The following PTPRJ variants were observed in gnomAD, a reference collection of about 807,000 sequenced individuals.
PTPRJ encodes receptor-type tyrosine-protein phosphatase eta.
PTPRJ carries 129 observed loss-of-function variants against 141.3 expected under a neutral mutation model. The ratio of observed to expected loss-of-function variants is 0.91; its 90% confidence interval spans 0.79 to 1.06. The LOEUF is 1.06. Ranked by LOEUF, PTPRJ falls within the 50% of genes least tolerant of loss-of-function variation. The probability of loss-of-function intolerance (pLI) is 0.00; values close to 1 mark genes in which losing one functional copy is unlikely to be tolerated. For missense variants in PTPRJ, 1,601 were observed against 1,679.7 expected, an observed-to-expected ratio of 0.95 and a Z score of 0.82; for synonymous variants, 610 against 640.5, an observed-to-expected ratio of 0.95 and a Z score of 0.72.
intron 24 of PTPRJ, among the ~76,000 whole-genome samples, chr11:48,165,531 A>G (rs1226782603): frequency 6.6e-6 from 1 of 152,202 alleles, no homozygotes; most frequent in Non-Finnish European, 1.5e-5. Flanking sequence ...TTAATTTTGT[A>G]TCAGGCTATC....
At chr11:47,995,005 C>G (rs1854296844) in intron 1 of PTPRJ, among the ~76,000 whole-genome samples, 1 of 152,248 alleles carries the variant, frequency 6.6e-6, no homozygotes, top group East Asian at 1.9e-4. Flanking sequence ...GCAAACGTTT[C>G]CCCCTGCCAG....
intron 21 of PTPRJ, among the ~76,000 whole-genome samples, chr11:48,156,672 C>T (rs1275707661): frequency 1.3e-5 from 2 of 149,722 alleles, no homozygotes; most frequent in Non-Finnish European, 3.0e-5. Flanking sequence ...TGGCTCACTA[C>T]AGCTTTGAAT....
intron 1 of PTPRJ, among the ~76,000 whole-genome samples, chr11:48,070,423 C>A (rs144606134): frequency 6.6e-6 from 1 of 151,462 alleles, no homozygotes; most frequent in Admixed American, 6.6e-5. Context: ...ACTGCTGGAA[C>A]GCAGGAGGCG....
At chr11:48,164,888 T>C (rs1320376200) in intron 24 of PTPRJ, among the ~76,000 whole-genome samples, 3 of 152,160 alleles carry the variant, frequency 2.0e-5, no homozygotes, top group Non-Finnish European at 4.4e-5. Flanking sequence ...TTTTAAAAGG[T>C]TGCATTGTGT....
chr11:48,134,016 G>A (rs928421877), intron 8 of PTPRJ, among the ~76,000 whole-genome samples: 5 of 152,052 alleles, frequency 3.3e-5, no homozygotes, highest in Non-Finnish European at 5.9e-5. Flanking sequence ...CAGTGTTTTG[G>A]GTACAGGTAG....
At chr11:48,031,110 G>T (rs1231227117) in intron 1 of PTPRJ, among the ~76,000 whole-genome samples, 1 of 152,164 alleles carries the variant, frequency 6.6e-6, no homozygotes, top group Non-Finnish European at 1.5e-5. Context: ...TAATTGTTCT[G>T]CATGGTGACC....
chr11:48,044,981 C>T (rs1854353671), intron 1 of PTPRJ: 1 of 152,282 alleles, frequency 6.6e-6, no homozygotes, highest in Non-Finnish European at 1.5e-5. Flanking sequence ...TTGCCACTCC[C>T]TTTTTTCTCC....
intron 1 of PTPRJ, among the ~76,000 whole-genome samples, chr11:48,012,487 A>G (rs1317887820): frequency 6.6e-6 from 1 of 152,018 alleles, no homozygotes; most frequent in Non-Finnish European, 1.5e-5. Flanking sequence ...GAGTCCAGGA[A>G]CTCGTGATCT....
At chr11:48,145,558 G>GTT (rs574426609) in intron 14 of PTPRJ, among the ~76,000 whole-genome samples, 10,862 of 117,404 alleles carry the variant, frequency 0.093, 1,055 homozygotes, top group Non-Finnish European at 0.12. Context: ...TTTATTTTAT[G>GTT]TTTTTTTTTT....
Position 48,123,767 on chromosome 11 carries a change from C to G in PTPRJ, c.771C>G (p.Val257=). The G allele has an allele frequency of 3.1e-6, 5 of 1,614,060 alleles. No individual in the cohort carries two copies. Among genetic ancestry groups the G allele is most frequent in the Non-Finnish European group, 4.2e-6 (5 of 1,180,012 alleles). ...EELTQDSRLQ[V]NISGLKPGVQ... ...TGACTCAAGACTCAAGACTTCAGGT[C>G]AATATCTCGGGCCTGAAGCCAGGGG... is the stretch of plus-strand genomic sequence containing the variant. Residue 257 remains valine, a synonymous_variant, in exon 5 of 25, where the codon GTC becomes GTG. Transcript: ENST00000418331.
At chr11:48,090,513 C>G (rs777446635) in intron 1 of PTPRJ, among the ~76,000 whole-genome samples, 1 of 152,142 alleles carries the variant, frequency 6.6e-6, no homozygotes, top group African/African-American at 2.4e-5. Flanking sequence ...GAGACAGATC[C>G]GTGCAGCAGG....
chr11:48,046,913 T>TATATATATATATATATA (rs374032992), intron 1 of PTPRJ, among the ~76,000 whole-genome samples: 2 of 56,716 alleles, frequency 3.5e-5, no homozygotes, highest in African/African-American at 2.3e-4. Flanking sequence ...TATATATATA[T>TATATATATATATATATA]TTTTTTTTTT....
At position 48,125,200 on chromosome 11, in the gene PTPRJ, TGTAAAATGGTGGCAG is replaced by T; in HGVS notation, c.1093+15_1093+29del. 1 of 1,611,642 alleles carries T rather than the reference TGTAAAATGGTGGCAG, an allele frequency of 6.2e-7. No homozygotes were observed. Among genetic ancestry groups the T allele is most frequent in the Non-Finnish European group, 8.5e-7 (1 of 1,177,818 alleles). ...AGTTCAGGACAAGTAGGTTGAACTTTGTAAAATGGTGGCAGCCAGAGTTTCCTAGCACAATGTTCT... is the reference window on the plus strand; with the variant it reads ...AGTTCAGGACAAGTAGGTTGAACTTTCCAGAGTTTCCTAGCACAATGTTCT... On this transcript the variant is annotated intron_variant, in intron 6 of 24. Transcript: ENST00000418331.
At chr11:48,068,254 A>G (rs1238809127) in intron 1 of PTPRJ, among the ~76,000 whole-genome samples, 1 of 152,156 alleles carries the variant, frequency 6.6e-6, no homozygotes, top group Non-Finnish European at 1.5e-5. Context: ...GGTTGCTGGG[A>G]ATGGGTAGAT....
chr11:48,156,407 A>G (rs1857601815), intron 21 of PTPRJ, among the ~76,000 whole-genome samples: 1 of 152,122 alleles, frequency 6.6e-6, no homozygotes. Context: ...GGCCTAGTGC[A>G]AGATGCTGTT....
intron 1 of PTPRJ, among the ~76,000 whole-genome samples, chr11:48,036,278 G>A (rs2134230652): frequency 6.6e-6 from 1 of 152,326 alleles, no homozygotes; most frequent in East Asian, 1.9e-4. Flanking sequence ...GCCTCCAAGG[G>A]AGTCTGTCCC....
chr11:48,031,191 G>A (rs1264089145), intron 1 of PTPRJ, among the ~76,000 whole-genome samples: 1 of 152,120 alleles, frequency 6.6e-6, no homozygotes, highest in Non-Finnish European at 1.5e-5. Context: ...TTTAATAAAT[G>A]GTAGAATGAG....
chr11:48,156,997 A>AT (rs1178660349), intron 21 of PTPRJ, among the ~76,000 whole-genome samples: 3,300 of 142,874 alleles, frequency 0.023, 120 homozygotes, highest in African/African-American at 0.079. Flanking sequence ...CAAAGATAAG[A>AT]TTTTTTTTTT....
At chr11:48,026,856 C>T (rs911531667) in intron 1 of PTPRJ, among the ~76,000 whole-genome samples, 3 of 152,092 alleles carry the variant, frequency 2.0e-5, no homozygotes, top group Non-Finnish European at 4.4e-5. Flanking sequence ...GCTTCCCACC[C>T]TTTCCCTCTG....
Sources: allele counts gnomAD v4.1 joint callset (sites outside exome capture counted in the v4.1 genomes callset), GRCh38; gene constraint gnomAD v4.1.1; transcripts MANE v1.5; gene names NCBI Gene and HGNC (gene_info 2026-07-23, HGNC 2026-07-21).